ECE1: variants seen among roughly 807,000 people sequenced by gnomAD.
ECE1 encodes the protein endothelin-converting enzyme 1.
In ECE1, 35 loss-of-function variants were observed where a neutral mutation model predicts 98.6. The observed-to-expected ratio is 0.35, with a 90% CI of 0.27 to 0.47. ECE1 has a LOEUF of 0.47. ECE1 is among the 20% of genes least tolerant of loss of function. ECE1 has a pLI of 1.00. For synonymous variants in ECE1, 394 were observed against 407.1 expected (o/e 0.97, Z 0.39); for missense variants, 814 against 1,025.3 (o/e 0.79, Z 2.81).
chr1:21,310,135 T>C (rs962617316), intron 1 of ECE1, among the ~76,000 whole-genome samples: 4 of 152,180 alleles, frequency 2.6e-5, no homozygotes, highest in South Asian at 2.1e-4. Context: ...TTGGCTCACA[T>C]TGCCTCAGAG....
chr1:21,225,588 G>T lies in ECE1; in HGVS notation c.1850-148C>A, dbSNP rs1049282097. Reference sequence around the variant, plus strand: ...GAGACGAGGTCCCTGTGAGTGCCGAGGGACGTGGATGTGGTGGCCAGTCAG... The same window carrying T: ...GAGACGAGGTCCCTGTGAGTGCCGATGGACGTGGATGTGGTGGCCAGTCAG... On this transcript the variant is annotated intron_variant, in intron 16 of 18. Transcript: ENST00000374893. This position sits in a 1 kb window ranked among gnomAD's most constrained non-coding sequence, Gnocchi z 5.3. The T allele has an allele frequency of 9.4e-5, 83 of 885,410 alleles. No individual in the cohort carries two copies. The highest frequency in any genetic ancestry group is 7.6e-4 in the Admixed American group (32 of 42,306). 54.8% of individuals were successfully genotyped at this position (885,410 alleles called of 1,614,324 possible).
intron 2 of ECE1, among the ~76,000 whole-genome samples, chr1:21,285,865 G>A (rs1026550980): frequency 5.9e-5 from 9 of 151,554 alleles, no homozygotes; most frequent in Non-Finnish European, 1.2e-4. Context: ...GGTGGCGCAC[G>A]CCTGTAATCC....
rs1191752655 is a variant in ECE1 at position 21,327,672 on chromosome 1, C to A, written c.3+17704G>T. On this transcript the variant is annotated intron_variant, in intron 1 of 18. Transcript: ENST00000415912. This position sits in a 1 kb window ranked among gnomAD's most constrained non-coding sequence, Gnocchi z 4.6. Reference sequence around the variant, plus strand: ...CTGCACGGCCCTGCGGGACCCAGCCCTGACCACCCTTCAGCTTCACCCTTC... The same window carrying A: ...CTGCACGGCCCTGCGGGACCCAGCCATGACCACCCTTCAGCTTCACCCTTC... Among the ~76,000 whole-genome samples the A allele has an allele frequency of 6.6e-6, 1 of 152,214 alleles. No homozygotes were observed. Among genetic ancestry groups the A allele is most frequent in the East Asian group, 1.9e-4 (1 of 5,188 alleles).
At chr1:21,237,593 C>T (rs985016120) in intron 11 of ECE1, among the ~76,000 whole-genome samples, 1 of 152,088 alleles carries the variant, frequency 6.6e-6, no homozygotes, top group East Asian at 1.9e-4. Flanking sequence ...TATTGTATGC[C>T]GGTGCCCAGT....
Position 21,258,592 on chromosome 1 carries a change from C to A in ECE1, c.762+101G>T. On this transcript the variant is annotated intron_variant, in intron 6 of 18. Transcript: ENST00000374893. The surrounding 1 kb of genome is among the most constrained non-coding windows in gnomAD (Gnocchi z 4.2). ...CTCAGAAACTAGAAGACCGCCGTCC[C>A]ACCCAGGGCAAGCCCCTCTCCCACC... is the stretch of plus-strand genomic sequence containing the variant. 1 of 1,137,758 alleles carries A rather than the reference C, an allele frequency of 8.8e-7. No homozygotes were observed. The highest frequency in any genetic ancestry group is 1.3e-6 in the Non-Finnish European group (1 of 771,160). 70.5% of individuals were successfully genotyped at this position (1,137,758 alleles called of 1,614,324 possible).
rs2098173167 is a variant in ECE1, at chr1:21,225,620, G to A, written c.1850-180C>T. Among the ~76,000 whole-genome samples the A allele has an allele frequency of 1.3e-5, 2 of 152,142 alleles. No homozygotes were observed. Among genetic ancestry groups the A allele is most frequent in the South Asian group, 2.1e-4 (1 of 4,824 alleles). On this transcript the variant is annotated intron_variant, in intron 16 of 18. Transcript: ENST00000374893. This position sits in a 1 kb window ranked among gnomAD's most constrained non-coding sequence, Gnocchi z 5.3. ...GGATGTGGTGGCCAGTCAGAGGCGG[G>A]AGAGGATGAAGGAGAGAAATCGGGA...
chr1:21,320,281 G>A (rs1012097349), intron 1 of ECE1, among the ~76,000 whole-genome samples: 1 of 152,174 alleles, frequency 6.6e-6, no homozygotes, highest in African/African-American at 2.4e-5. Context: ...ACAGGTCACC[G>A]GACTTCTCAT....
chr1:21,256,289 C>T, intron 7 of ECE1, 151 bp from the exon 8 acceptor site: 1 of 890,486 alleles, frequency 1.1e-6, no homozygotes. Flanking sequence ...GGTGTGGTGG[C>T]TCACGCCTGT....
At position 21,233,670 on chromosome 1, in the gene ECE1, G is replaced by A. The variant is rs1268710614; in HGVS notation, c.1567-9C>T. The stretch of plus-strand genomic sequence containing the variant: ...TCTGGAACTGCAGTGTACTAGAAAA[G>A]AAGAAGTGGAGTCAATCACAGTGTG... On this transcript the variant is annotated splice_polypyrimidine_tract_variant and intron_variant, in intron 13 of 18. Coordinates refer to ENST00000374893, the MANE Select transcript of ECE1 (RefSeq NM_001397.3). This position sits in a 1 kb window ranked among gnomAD's most constrained non-coding sequence, Gnocchi z 4.0. 1.2e-6 allele frequency: 2 copies of A among 1,612,904 alleles called. No homozygotes were observed. The highest frequency in any genetic ancestry group is 3.3e-5 in the Admixed American group (2 of 59,990).
At chr1:21,320,057 T>G (rs1638928726) in intron 1 of ECE1, among the ~76,000 whole-genome samples, 1 of 152,218 alleles carries the variant, frequency 6.6e-6, no homozygotes, top group Non-Finnish European at 1.5e-5. Flanking sequence ...AATCTCAGAA[T>G]GTTTTAAGAA....
At chr1:21,261,967 G>T (rs2098227552) in intron 4 of ECE1, among the ~76,000 whole-genome samples, 2 of 152,286 alleles carry the variant, frequency 1.3e-5, no homozygotes, top group South Asian at 4.1e-4. Context: ...TAGTCACTTG[G>T]AGCAAAGGAC....
At chr1:21,246,281 A>G (rs2098203391) in intron 9 of ECE1, among the ~76,000 whole-genome samples, 3 of 151,756 alleles carry the variant, frequency 2.0e-5, no homozygotes, top group African/African-American at 7.3e-5. Context: ...AGGCAGATCA[A>G]CTGAGGTCAG....
Position 21,217,465 on chromosome 1 carries a change from C to A in ECE1, c.*2490G>T, listed in dbSNP as rs1052167733. Reference sequence around the variant, plus strand: ...TAGTGGCAGTGGCAGGGGCTTCCACCCCTGCTGGGCCTGAGCCCTCTTCTT... The same window carrying A: ...TAGTGGCAGTGGCAGGGGCTTCCACACCTGCTGGGCCTGAGCCCTCTTCTT... On this transcript the variant is annotated 3_prime_UTR_variant, in exon 19 of 19. Coordinates refer to ENST00000374893, the MANE Select transcript of ECE1 (RefSeq NM_001397.3). 6.6e-6 allele frequency: 1 copy of A among 152,212 alleles called. No individual in the cohort carries two copies. The highest frequency in any genetic ancestry group is 1.5e-5 in the Non-Finnish European group (1 of 68,118). The allele number at this position is 152,212 out of a possible 1,614,324, so 9.4% of individuals were successfully genotyped here.
rs1167519498 is a variant in ECE1 at position 21,235,265 on chromosome 1, T to G, written c.1566+585A>C. 6.6e-6 allele frequency among the ~76,000 whole-genome samples: 1 copy of G among 152,218 alleles called. No homozygotes were observed. On this transcript the variant is annotated intron_variant, in intron 13 of 18. Transcript: ENST00000374893. The surrounding 1 kb of genome is among the most constrained non-coding windows in gnomAD (Gnocchi z 4.2). Reference sequence around the variant, plus strand: ...CCTAACTGAGTGATTTGCCAAAAGTTCTAATAAGCAGGGATGTATCAACCA... The same window carrying G: ...CCTAACTGAGTGATTTGCCAAAAGTGCTAATAAGCAGGGATGTATCAACCA...
chr1:21,321,906 G>A (rs942737005), intron 1 of ECE1, among the ~76,000 whole-genome samples: 3 of 152,268 alleles, frequency 2.0e-5, no homozygotes, highest in Non-Finnish European at 2.9e-5. Flanking sequence ...ATGAGCCACC[G>A]TGCCCACCCT....
At chr1:21,343,102 C>T (rs541239611) in intron 1 of ECE1, among the ~76,000 whole-genome samples, 1 of 152,286 alleles carries the variant, frequency 6.6e-6, no homozygotes, top group East Asian at 1.9e-4. Context: ...GTTCAGATGT[C>T]ACCTGCTCCA....
At position 21,225,114 on chromosome 1, in the gene ECE1, C is replaced by T. The variant is rs565120201; in HGVS notation, c.2040+136G>A. 1.7e-5 allele frequency: 20 copies of T among 1,206,354 alleles called. No homozygotes were observed. The African/African-American group carries it at 3.0e-4, about 18-fold the overall frequency. The allele number at this position is 1,206,354 out of a possible 1,614,324, so 74.7% of individuals were successfully genotyped here. A position where few individuals can be genotyped will look rare whatever the true frequency, so the allele number is the denominator to read the frequency against. On this transcript the variant is annotated intron_variant, in intron 17 of 18. Coordinates refer to ENST00000374893, the MANE Select transcript of ECE1 (RefSeq NM_001397.3). The surrounding 1 kb of genome is among the most constrained non-coding windows in gnomAD (Gnocchi z 5.3). ...CATCGCGATTGGTCCTCGCCACCCC[C>T]AATTTCGCAGAAGAGGAAACGGAAG...
Position 21,322,555 on chromosome 1 carries a change from G to A in ECE1, c.3+22821C>T, listed in dbSNP as rs943063538. 6.6e-6 allele frequency among the ~76,000 whole-genome samples: 1 copy of A among 152,230 alleles called. No individual in the cohort carries two copies. Among genetic ancestry groups the A allele is most frequent in the African/African-American group, 2.4e-5 (1 of 41,470 alleles). ...CCCCCCACATGTGTCACACTCCAGG[G>A]CCCCAGGCCTGTGACCAAAATGGCA... On this transcript the variant is annotated intron_variant, in intron 1 of 18. Transcript: ENST00000415912. The surrounding 1 kb of genome is among the most constrained non-coding windows in gnomAD (Gnocchi z 4.1).
rs202205742 is a variant in ECE1, at chr1:21,232,966, ACCACG to A, written c.1670+587_1670+591del. On this transcript the variant is annotated intron_variant, in intron 14 of 18. Transcript: ENST00000374893. ...AGTGCTGGGATTACAGGCGTGAGCC[ACCACG>A]CCCGGCCAGGAAGCTGTATCTTTGA... 4.5e-3 allele frequency: 685 copies of A among 153,572 alleles called. 24 individuals are homozygous for A. The highest frequency in any genetic ancestry group is 0.038 in the Admixed American group (593 of 15,448). The allele number at this position is 153,572 out of a possible 1,614,324, so 9.5% of individuals were successfully genotyped here.
Sources: allele counts gnomAD v4.1 joint callset (sites outside exome capture counted in the v4.1 genomes callset), GRCh38; gene constraint gnomAD v4.1.1; non-coding constraint Gnocchi (gnomAD v3.1); transcripts MANE v1.5; gene names NCBI Gene and HGNC (gene_info 2026-07-23, HGNC 2026-07-21).